The following CDK11A variants were observed in gnomAD, a reference collection of about 807,000 sequenced individuals.
CDK11A encodes cyclin-dependent kinase 11A.
Under a neutral mutation model 83.6 loss-of-function variants are expected in CDK11A, and 55 were observed. The ratio of observed to expected loss-of-function variants is 0.66; its 90% CI spans 0.53 to 0.82. The LOEUF (loss-of-function observed/expected upper bound fraction) is 0.82. Ranked by LOEUF, CDK11A falls within the 40% of genes least tolerant of loss-of-function variation. The pLI is 0.00. For missense variants in CDK11A, 564 were observed against 810.1 expected, an observed-to-expected ratio of 0.70 and a Z score of 3.69; for synonymous variants, 247 against 302.7, an observed-to-expected ratio of 0.82 and a Z score of 1.91.
intron 2 of CDK11A, 79 bp from the exon 3 acceptor site, chr1:1,721,790 T>G (rs1263847018): frequency 2.8e-6 from 4 of 1,412,752 alleles, no homozygotes; most frequent in Non-Finnish European, 3.8e-6. Context: ...TTAATGATAA[T>G]CAAACCTGGG....
At chr1:1,720,075 AT>A (rs1644846885) in intron 3 of CDK11A, among the ~76,000 whole-genome samples, 2 of 150,544 alleles carry the variant, frequency 1.3e-5, no homozygotes, top group South Asian at 4.2e-4. Flanking sequence ...CATCTTATTT[AT>A]TTAATTTAAT....
intron 5 of CDK11A, among the ~76,000 whole-genome samples, chr1:1,716,017 C>G (rs925255997): frequency 1.5e-4 from 22 of 150,280 alleles, no homozygotes; most frequent in African/African-American, 5.4e-4. Context: ...GCCTTGACCT[C>G]CCAGGCTCAA....
chr1:1,704,208 C>A lies in CDK11A; in HGVS notation c.1686+15G>T, dbSNP rs1252636268. On this transcript the variant is annotated intron_variant, in intron 15 of 19. Coordinates refer to ENST00000404249, the MANE Select transcript of CDK11A (RefSeq NM_024011.4). Reference sequence around the variant, plus strand: ...GCGGGTCACCCTGGGATGGGCCACTCGGAGGGGGGCTCACCTTGAGGATGC... The same window carrying A: ...GCGGGTCACCCTGGGATGGGCCACTAGGAGGGGGGCTCACCTTGAGGATGC... 5 of 1,608,094 alleles carry A rather than the reference C, an allele frequency of 3.1e-6. No homozygotes were observed. Among genetic ancestry groups the A allele is most frequent in the African/African-American group, 1.3e-5 (1 of 74,428 alleles).
chr1:1,717,219 T>C (rs947826546), intron 4 of CDK11A, among the ~76,000 whole-genome samples: 1 of 151,252 alleles, frequency 6.6e-6, no homozygotes, highest in African/African-American at 2.4e-5. Context: ...GAATAAACTA[T>C]AATTATCAGT....
At chr1:1,708,389 C>T in intron 9 of CDK11A, 144 bp from the exon 10 acceptor site, 1 of 1,433,410 alleles carries the variant, frequency 7.0e-7, no homozygotes. Flanking sequence ...GCCTGTAATC[C>T]CAGTGCTTTG....
In CDK11A at chr1:1,706,749, G is replaced by A. The variant is rs987569972; in HGVS notation, c.1245+660C>T. Among the ~76,000 whole-genome samples the A allele has an allele frequency of 1.5e-4, 22 of 150,954 alleles. 1 individual carries two copies. Among genetic ancestry groups the A allele is most frequent in the Non-Finnish European group, 3.1e-4 (21 of 67,712 alleles). Reference sequence around the variant, plus strand: ...GGGTGGCCTGTGGCCCGACGCCTACGCTCAGCAGCACTAAGGGGCAGAGGC... The same window carrying A: ...GGGTGGCCTGTGGCCCGACGCCTACACTCAGCAGCACTAAGGGGCAGAGGC... On this transcript the variant is annotated intron_variant, in intron 11 of 19. Transcript: ENST00000404249.
rs1294165963 is a variant in CDK11A at position 1,711,998 on chromosome 1, C to T, written c.625+266G>A. Among the ~76,000 whole-genome samples, 153 of 120,778 alleles carry T rather than the reference C, an allele frequency of 1.3e-3. 1 individual carries two copies. Among genetic ancestry groups the T allele is most frequent in the Non-Finnish European group, 2.2e-3 (117 of 53,360 alleles). 79.2% of individuals were successfully genotyped at this position (120,778 alleles called of 152,430 possible). A position where few individuals can be genotyped will look rare whatever the true frequency, so the allele number is the denominator to read the frequency against. ...ATAAAAAAATAGCTGAACATGGTGG[C>T]GGGTGCCTGTAATCCCTGCTACTCC... On this transcript the variant is annotated intron_variant, in intron 6 of 19. Transcript: ENST00000404249.
Position 1,703,673 on chromosome 1 carries a change from T to C in CDK11A, c.1912-49A>G, listed in dbSNP as rs1284340992. ...AGCCACACCAAGTGGCCCACAGTGT[T>C]GGCACCTGTGTCCCGTCAGAGAAGA... On this transcript the variant is annotated intron_variant, in intron 17 of 19. Transcript: ENST00000404249. 5 of 1,560,732 alleles carry C rather than the reference T, an allele frequency of 3.2e-6. No individual in the cohort carries two copies. The East Asian group carries it at 1.2e-4, about 37-fold the overall frequency.
At chr1:1,708,770 C>G in intron 9 of CDK11A, 24 bp downstream of exon 9, 1 of 1,543,624 alleles carries the variant, frequency 6.5e-7, no homozygotes, top group Non-Finnish European at 8.8e-7. Flanking sequence ...CACAACACCT[C>G]ACACAGTCGT....
intron 3 of CDK11A, among the ~76,000 whole-genome samples, chr1:1,720,323 T>C (rs1013965951): frequency 2.0e-5 from 3 of 150,414 alleles, no homozygotes; most frequent in Admixed American, 1.3e-4. Flanking sequence ...GGTCTCGATC[T>C]CCTGACCTTG....
rs1557794234 is a variant in CDK11A at position 1,716,456 on chromosome 1, T to C, written c.378A>G (p.Glu126=). Residue 126 remains glutamate, a synonymous_variant, in exon 5 of 20, where the codon GAA becomes GAG. Transcript: ENST00000404249. ...AEGGKHARVK[E]REHERRKRHR... ...GTCGTTTCCGACGTTCGTGCTCTCT[T>C]TCTTTCACTCTAGCATGCTTCCCTA... The C allele has an allele frequency of 6.2e-7, 1 of 1,608,810 alleles. No individual in the cohort carries two copies. Among genetic ancestry groups the C allele is most frequent in the Non-Finnish European group, 8.5e-7 (1 of 1,176,462 alleles).
Position 1,703,116 on chromosome 1 carries a change from C to A in CDK11A, c.2214G>T (p.Pro738=). 5.0e-6 allele frequency: 2 copies of A among 401,814 alleles called. No homozygotes were observed. Among genetic ancestry groups the A allele is most frequent in the Non-Finnish European group, 8.4e-6 (2 of 237,848 alleles). The allele number at this position is 401,814 out of a possible 1,614,324, so 24.9% of individuals were successfully genotyped here. A position where few individuals can be genotyped will look rare whatever the true frequency, so the allele number is the denominator to read the frequency against. The stretch of plus-strand genomic sequence containing the variant: ...AGCCCAGGCCTCCCTCAGGGGGCCT[C>A]GGGCTGGTGCCCCGCTTCACACGCT... ...EQQRVKRGTS[P]RPPEGGLGYS... is the part of the protein sequence containing the mutation. Residue 738 remains proline, a synonymous_variant, in exon 19 of 20, where the codon CCG becomes CCT. Transcript: ENST00000404249.
At position 1,702,694 on chromosome 1, in the gene CDK11A, A is replaced by T. The variant is rs1157521120; in HGVS notation, c.*213T>A. 1 of 622,758 alleles carries T rather than the reference A, an allele frequency of 1.6e-6. No homozygotes were observed. Among genetic ancestry groups the T allele is most frequent in the Non-Finnish European group, 2.8e-6 (1 of 351,654 alleles). 38.6% of individuals were successfully genotyped at this position (622,758 alleles called of 1,614,324 possible). On this transcript the variant is annotated 3_prime_UTR_variant, in exon 20 of 20. Transcript: ENST00000404249. ...TTGTGCTGCCCCACGTGGGCACCCG[A>T]AGATGCCCTGGCAAGTCACGGAGAA...
At chr1:1,722,883 G>A in intron 1 of CDK11A, 52 bp from the exon 2 acceptor site, 1 of 735,580 alleles carries the variant, frequency 1.4e-6, no homozygotes, top group South Asian at 1.9e-5. Flanking sequence ...AAGCTATGGT[G>A]CTGAACACTT....
intron 2 of CDK11A, among the ~76,000 whole-genome samples, chr1:1,722,041 C>T (rs1277775867): frequency 6.6e-6 from 1 of 150,778 alleles, no homozygotes; most frequent in African/African-American, 2.4e-5. Flanking sequence ...GTCCCAGCTA[C>T]TCAGGAAGCT....
rs571030682 is a variant in CDK11A, at chr1:1,707,919, T to C, written c.1069+261A>G. Among the ~76,000 whole-genome samples, 293 of 137,334 alleles carry C rather than the reference T, an allele frequency of 2.1e-3. 27 individuals are homozygous for C. The highest frequency in any genetic ancestry group is 0.013 in the East Asian group (61 of 4,646). The allele number at this position is 137,334 out of a possible 152,430, so 90.1% of individuals were successfully genotyped here. A position where few individuals can be genotyped will look rare whatever the true frequency, so the allele number is the denominator to read the frequency against. On this transcript the variant is annotated intron_variant, in intron 10 of 19. Coordinates refer to ENST00000404249, the MANE Select transcript of CDK11A (RefSeq NM_024011.4). Reference sequence around the variant, plus strand: ...TGCAGGGACAGGCCCGGAGCCACCATCTGACGGGCCTCCCCTGTGGGGAAC... The same window carrying C: ...TGCAGGGACAGGCCCGGAGCCACCACCTGACGGGCCTCCCCTGTGGGGAAC...
At chr1:1,706,140 T>C (rs1465820929) in intron 11 of CDK11A, among the ~76,000 whole-genome samples, 2 of 149,738 alleles carry the variant, frequency 1.3e-5, no homozygotes, top group African/African-American at 4.9e-5. Flanking sequence ...TGGTGAGATC[T>C]CGGCTCACTG....
At chr1:1,704,473 G>T in intron 14 of CDK11A, 77 bp downstream of exon 14, 1 of 1,552,146 alleles carries the variant, frequency 6.4e-7, no homozygotes. Flanking sequence ...GGCCCTCCCT[G>T]CAGCACTGTC....
At chr1:1,721,977 C>T in intron 2 of CDK11A, 1 of 319,470 alleles carries the variant, frequency 3.1e-6, no homozygotes, top group Non-Finnish European at 5.9e-6. Flanking sequence ...CGGAGAGACC[C>T]CATCTCTACT....
Sources: allele counts gnomAD v4.1 joint callset (sites outside exome capture counted in the v4.1 genomes callset), GRCh38; gene constraint gnomAD v4.1.1; transcripts MANE v1.5; gene names NCBI Gene and HGNC (gene_info 2026-07-23, HGNC 2026-07-21).